CDH12: variants seen among roughly 807,000 people sequenced by gnomAD.
CDH12 encodes cadherin 12.
Under a neutral mutation model 74.1 loss-of-function variants are expected in CDH12, and 41 were observed. The observed-to-expected ratio is 0.55, with a 90% CI of 0.43 to 0.72. The LOEUF (loss-of-function observed/expected upper bound fraction) is 0.72. Ranked by LOEUF, CDH12 falls within the 30% of genes least tolerant of loss-of-function variation. CDH12 has a pLI of 0.00. For missense variants in CDH12, 945 were observed against 977.2 expected, an observed-to-expected ratio of 0.97 and a Z score of 0.44; for synonymous variants, 399 against 355.0, an observed-to-expected ratio of 1.12 and a Z score of -1.39.
At chr5:21,815,664 T>G (rs2149943435) in intron 9 of CDH12, among the ~76,000 whole-genome samples, 1 of 152,326 alleles carries the variant, frequency 6.6e-6, no homozygotes, top group South Asian at 2.1e-4. Flanking sequence ...CTTTTTCACT[T>G]TCTTCCTTAA....
intron 1 of CDH12, among the ~76,000 whole-genome samples, chr5:22,780,785 T>G (rs1425663836): frequency 1.3e-5 from 2 of 152,108 alleles, no homozygotes; most frequent in African/African-American, 2.4e-5. Context: ...TCTCTTTTTT[T>G]TAAGTGTGAT....
chr5:22,463,350 C>G (rs571195630), intron 2 of CDH12, among the ~76,000 whole-genome samples: 3 of 152,016 alleles, frequency 2.0e-5, no homozygotes, highest in Admixed American at 6.5e-5. Flanking sequence ...AATGTGAATG[C>G]TAAGTATCCT....
chr5:21,853,909 G>A (rs1052169791), intron 7 of CDH12, among the ~76,000 whole-genome samples: 6 of 151,504 alleles, frequency 4.0e-5, no homozygotes, highest in Non-Finnish European at 7.4e-5. Context: ...AATAACCATC[G>A]TTGTGGGGTT....
intron 2 of CDH12, among the ~76,000 whole-genome samples, chr5:22,464,489 GT>G (rs898185145): frequency 2.0e-5 from 3 of 151,978 alleles, no homozygotes; most frequent in African/African-American, 7.3e-5. Context: ...AATGAAATTC[GT>G]TTTGACAAGA....
intron 7 of CDH12, among the ~76,000 whole-genome samples, chr5:21,845,989 A>G (rs1003557290): frequency 6.6e-6 from 1 of 152,108 alleles, no homozygotes; most frequent in African/African-American, 2.4e-5. Flanking sequence ...GAAAAGGGCT[A>G]CCTAGGAGCC....
intron 4 of CDH12, among the ~76,000 whole-genome samples, chr5:22,168,619 C>T (rs536199784): frequency 1.4e-4 from 21 of 152,132 alleles, no homozygotes; most frequent in African/African-American, 4.1e-4. Context: ...AAGCACAATT[C>T]GGATTTTGTT....
intron 6 of CDH12, among the ~76,000 whole-genome samples, chr5:21,965,259 C>T (rs946772061): frequency 1.3e-5 from 2 of 151,904 alleles, no homozygotes; most frequent in African/African-American, 4.8e-5. Flanking sequence ...TGAATCATTT[C>T]ACTGTCAAAC....
At chr5:22,153,889 A>ATATGTATATATATATAT (rs1561168560) in intron 4 of CDH12, among the ~76,000 whole-genome samples, 1 of 42,060 alleles carries the variant, frequency 2.4e-5, no homozygotes, top group Non-Finnish European at 5.2e-5. Flanking sequence ...TATATATATA[A>ATATGTATATATATATAT]ATATATATAT....
rs1043132062 is a variant in CDH12, at chr5:22,349,248, T to C, written c.-333+56009A>G. On this transcript the variant is annotated intron_variant, in intron 3 of 14. Transcript: ENST00000382254. ...CTGTCTAGTCCATGGCATTTTGTTA[T>C]AGCTGCCCGAATAAACCTTGACAGT... is the stretch of plus-strand genomic sequence containing the variant. 2.0e-5 allele frequency among the ~76,000 whole-genome samples: 3 copies of C among 152,324 alleles called. No homozygotes were observed. In the East Asian group the frequency reaches 5.8e-4, roughly 29 times the overall value.
At chr5:22,139,249 C>T (rs1746649002) in intron 4 of CDH12, 1 of 149,692 alleles carries the variant, frequency 6.7e-6, no homozygotes, top group African/African-American at 2.5e-5. Flanking sequence ...CTAATACATA[C>T]TCCTTTGTAG....
chr5:22,723,666 T>C (rs1178458082), intron 1 of CDH12, among the ~76,000 whole-genome samples: 3 of 152,088 alleles, frequency 2.0e-5, no homozygotes, highest in Non-Finnish European at 4.4e-5. Context: ...TTCTAAATTT[T>C]GAGACAATAA....
intron 1 of CDH12, among the ~76,000 whole-genome samples, chr5:22,849,877 C>A (rs943580241): frequency 2.0e-5 from 3 of 151,876 alleles, no homozygotes; most frequent in Non-Finnish European, 4.4e-5. Context: ...TAAAAAAATA[C>A]CTGAAGCATA....
chr5:22,162,511 C>T (rs1212689691), intron 4 of CDH12, among the ~76,000 whole-genome samples: 1 of 152,174 alleles, frequency 6.6e-6, no homozygotes, highest in Non-Finnish European at 1.5e-5. Flanking sequence ...GGGGAGAATA[C>T]AACGTCAAGC....
chr5:21,942,630 ATG>A (rs1243049217), intron 6 of CDH12, among the ~76,000 whole-genome samples: 3 of 150,306 alleles, frequency 2.0e-5, no homozygotes, highest in Non-Finnish European at 4.4e-5. Flanking sequence ...ATATCTGTGT[ATG>A]TGTGTGTGTT....
intron 4 of CDH12, among the ~76,000 whole-genome samples, chr5:22,083,013 A>T (rs1240001292): frequency 6.6e-6 from 1 of 152,116 alleles, no homozygotes; most frequent in Non-Finnish European, 1.5e-5. Context: ...ATTTTTGCTG[A>T]TATTTTCATT....
chr5:22,345,190 T>G (rs1431414749), intron 3 of CDH12, among the ~76,000 whole-genome samples: 1 of 152,098 alleles, frequency 6.6e-6, no homozygotes, highest in East Asian at 1.9e-4. Flanking sequence ...TCAAATCACT[T>G]TAGATTTTTT....
intron 1 of CDH12, among the ~76,000 whole-genome samples, chr5:22,586,133 A>G (rs1286131612): frequency 6.6e-6 from 1 of 152,214 alleles, no homozygotes; most frequent in Non-Finnish European, 1.5e-5. Flanking sequence ...AATGTGGCAC[A>G]TATATACCAT....
intron 2 of CDH12, among the ~76,000 whole-genome samples, chr5:22,487,712 G>A (rs934941295): frequency 1.3e-5 from 2 of 152,098 alleles, no homozygotes; most frequent in Non-Finnish European, 2.9e-5. Flanking sequence ...GTACAAAATT[G>A]AAGAAAGCAA....
rs1738988117 is a variant in CDH12, at chr5:22,324,003, G to T, written c.-333+81254C>A. Among the ~76,000 whole-genome samples the T allele has an allele frequency of 2.6e-5, 4 of 152,092 alleles. No homozygotes were observed. In the South Asian group the frequency reaches 8.3e-4, roughly 31 times the overall value. On this transcript the variant is annotated intron_variant, in intron 3 of 14. Transcript: ENST00000382254. The stretch of plus-strand genomic sequence containing the variant: ...TTATCTTAATAATTTAGCTCCATTG[G>T]AACATGTTATTATTGTAACTTTATA...
Sources: allele counts gnomAD v4.1 joint callset (sites outside exome capture counted in the v4.1 genomes callset), GRCh38; gene constraint gnomAD v4.1.1; transcripts MANE v1.5; gene names NCBI Gene and HGNC (gene_info 2026-07-23, HGNC 2026-07-21).